CPED1: variants seen among roughly 807,000 people sequenced by gnomAD.
CPED1 encodes the protein cadherin-like and PC-esterase domain-containing protein 1.
Under a neutral mutation model 128.2 loss-of-function variants are expected in CPED1, and 114 were observed. The ratio of observed to expected loss-of-function variants is 0.89; its 90% CI spans 0.76 to 1.04. CPED1 has a LOEUF of 1.04. CPED1 is among the 50% of genes least tolerant of loss of function. The pLI, the probability that CPED1 is intolerant of heterozygous loss-of-function variation, is 0.00. For synonymous variants in CPED1, 462 were observed against 426.7 expected (o/e 1.08, Z -1.02); for missense variants, 1,211 against 1,207.1 (o/e 1.00, Z -0.05).
intron 2 of CPED1, among the ~76,000 whole-genome samples, chr7:120,992,445 T>C (rs1314997315): frequency 6.6e-6 from 1 of 152,152 alleles, no homozygotes; most frequent in African/African-American, 2.4e-5. Context: ...TGTAGGTGTA[T>C]GTGAAGATCT....
intron 2 of CPED1, among the ~76,000 whole-genome samples, 183 bp from the exon 3 acceptor site, chr7:121,015,482 G>T (rs1203213649): frequency 6.6e-6 from 1 of 152,150 alleles, no homozygotes; most frequent in African/African-American, 2.4e-5. Context: ...CAATTCAGTT[G>T]ACCTTCAGTT....
At chr7:121,031,586 C>T (rs1472058528) in intron 3 of CPED1, among the ~76,000 whole-genome samples, 1 of 152,186 alleles carries the variant, frequency 6.6e-6, no homozygotes, top group African/African-American at 2.4e-5. Context: ...CCACACTCAG[C>T]CAGTCTCTGC....
At chr7:121,248,139 G>C (rs921400847) in intron 18 of CPED1, among the ~76,000 whole-genome samples, 1 of 152,184 alleles carries the variant, frequency 6.6e-6, no homozygotes, top group African/African-American at 2.4e-5. Context: ...TGCAGCTCAA[G>C]AGTGCTGAGC....
intron 14 of CPED1, among the ~76,000 whole-genome samples, chr7:121,139,827 T>G (rs551129955): frequency 3.3e-5 from 5 of 152,142 alleles, no homozygotes; most frequent in Non-Finnish European, 7.4e-5. Context: ...AAATTCTGTG[T>G]TATCTTTTTT....
rs528796874 is a variant in CPED1, at chr7:121,273,533, A to G, written c.2868+2103A>G. Among the ~76,000 whole-genome samples the G allele has an allele frequency of 9.7e-4, 147 of 152,166 alleles. 1 individual carries two copies. The highest frequency in any genetic ancestry group is 3.4e-3 in the African/African-American group (140 of 41,534). On this transcript the variant is annotated intron_variant, in intron 22 of 22. Transcript: ENST00000310396. ...GCAAGACTCCATCTCAAAGAAAAAA[A>G]AAAAATCCATCTTGGTCCCAAGAGT... is the stretch of plus-strand genomic sequence containing the variant.
chr7:121,252,279 G>A (rs1798690845), intron 18 of CPED1, among the ~76,000 whole-genome samples: 2 of 152,126 alleles, frequency 1.3e-5, no homozygotes, highest in South Asian at 4.1e-4. Context: ...AGCTGAAACT[G>A]GATCCCTTCC....
chr7:121,058,265 T>C (rs756940261), intron 4 of CPED1, among the ~76,000 whole-genome samples: 2 of 152,134 alleles, frequency 1.3e-5, no homozygotes, highest in East Asian at 1.9e-4. Flanking sequence ...CATGAGTCCA[T>C]TGGCATTTTT....
intron 16 of CPED1, among the ~76,000 whole-genome samples, chr7:121,227,989 C>CA: frequency 6.6e-6 from 1 of 151,932 alleles, no homozygotes; most frequent in Non-Finnish European, 1.5e-5. Context: ...AGATTTGTCA[C>CA]AAAAATCAAC....
At chr7:121,263,514 TAATGA>T (rs958230432) in intron 18 of CPED1, among the ~76,000 whole-genome samples, 7 of 152,034 alleles carry the variant, frequency 4.6e-5, no homozygotes, top group Admixed American at 1.3e-4. Context: ...ACTGTACACA[TAATGA>T]AATGAACCCT....
At chr7:121,125,481 C>T (rs568697602) in intron 8 of CPED1, among the ~76,000 whole-genome samples, 2 of 152,048 alleles carry the variant, frequency 1.3e-5, no homozygotes, top group Non-Finnish European at 2.9e-5. Flanking sequence ...CCCCAACAGG[C>T]CCCAGTGTGT....
At chr7:121,065,118 A>G (rs1793793783) in intron 5 of CPED1, among the ~76,000 whole-genome samples, 1 of 152,186 alleles carries the variant, frequency 6.6e-6, no homozygotes, top group Non-Finnish European at 1.5e-5. Context: ...ATCTTAATCC[A>G]TCAACTTTCC....
chr7:121,072,072 GCCAAGCCTGGACCAT>G (rs1032116542), intron 5 of CPED1, among the ~76,000 whole-genome samples: 1 of 151,498 alleles, frequency 6.6e-6, no homozygotes, highest in African/African-American at 2.4e-5. Flanking sequence ...TTTCTTTGCT[GCCAAGCCTGGACCAT>G]TTAATCTGTC....
chr7:121,128,145 C>T (rs1197146376), intron 10 of CPED1, among the ~76,000 whole-genome samples: 1 of 152,148 alleles, frequency 6.6e-6, no homozygotes, highest in Admixed American at 6.6e-5. Context: ...TCTCCCCAAC[C>T]TCACTACCAA....
At chr7:121,283,655 A>G (rs1792506091) in intron 22 of CPED1, among the ~76,000 whole-genome samples, 1 of 152,200 alleles carries the variant, frequency 6.6e-6, no homozygotes, top group African/African-American at 2.4e-5. Context: ...CCTCCCAAAC[A>G]GGGGCTCTGG....
At chr7:121,117,098 T>TATATATATATATATATATATATAA (rs1226906588) in intron 7 of CPED1, among the ~76,000 whole-genome samples, 5 of 134,656 alleles carry the variant, frequency 3.7e-5, no homozygotes, top group African/African-American at 1.4e-4. Context: ...TATATATATA[T>TATATATATATATATATATATATAA]AAATATATAT....
chr7:121,072,585 G>T (rs2116094507), intron 5 of CPED1, among the ~76,000 whole-genome samples: 1 of 152,178 alleles, frequency 6.6e-6, no homozygotes, highest in East Asian at 1.9e-4. Flanking sequence ...ATGTGCTGAT[G>T]GTTGAGATGT....
chr7:121,026,125 A>C (rs889736852), intron 3 of CPED1, among the ~76,000 whole-genome samples: 1 of 152,186 alleles, frequency 6.6e-6, no homozygotes, highest in Non-Finnish European at 1.5e-5. Context: ...AAAACTTGTT[A>C]ATTTCAGTGA....
chr7:121,136,073 A>G lies in CPED1; in HGVS notation c.1682A>G (p.Glu561Gly). 2.6e-6 allele frequency: 4 copies of G among 1,547,246 alleles called. No homozygotes were observed. The highest frequency in any genetic ancestry group is 3.5e-6 in the Non-Finnish European group (4 of 1,155,698). Residue 561 changes from glutamate (E) to glycine (G), a missense_variant, in exon 14 of 23, where the codon GAA becomes GGA. By Grantham distance (98) the Glu-to-Gly change is moderately conservative (BLOSUM62 -2). Transcript: ENST00000310396. ...AVPQIKNENK[E>G]IHCSDDENTP... is the part of the protein sequence containing the mutation. ...CCACAAATTAAAAATGAAAATAAAGAAATACATTGCAGTGATGGTGAGTTG... is the reference window on the plus strand; with the variant it reads ...CCACAAATTAAAAATGAAAATAAAGGAATACATTGCAGTGATGGTGAGTTG...
intron 16 of CPED1, among the ~76,000 whole-genome samples, chr7:121,219,851 T>C (rs1464851310): frequency 1.3e-5 from 2 of 152,074 alleles, no homozygotes; most frequent in Admixed American, 1.3e-4. Context: ...ACACCCAGCA[T>C]TGAAGCTTAT....
Sources: gnomAD v4.1 joint callset for allele counts (sites outside exome capture counted in the v4.1 genomes callset) on GRCh38, gnomAD v4.1.1 for gene constraint, MANE v1.5 for transcripts, NCBI Gene and HGNC (gene_info 2026-07-23, HGNC 2026-07-21) for gene names.